The following FAM185A variants were observed in gnomAD, a reference collection of about 807,000 sequenced individuals.
FAM185A encodes family with sequence similarity 185 member A.
In FAM185A, 21 loss-of-function variants were observed where a neutral mutation model predicts 45.7. That is an observed-to-expected ratio of 0.46 (90% CI 0.33 to 0.66). The LOEUF is 0.66. Ranked by LOEUF, FAM185A falls within the 30% of genes least tolerant of loss-of-function variation. The pLI is 0.03. For synonymous variants in FAM185A, 117 were observed against 194.0 expected, an observed-to-expected ratio of 0.60 and a Z score of 3.30; for missense variants, 305 against 485.4, an observed-to-expected ratio of 0.63 and a Z score of 3.49.
At chr7:102,791,356 T>A (rs1396171839) in intron 7 of FAM185A, among the ~76,000 whole-genome samples, 2 of 152,230 alleles carry the variant, frequency 1.3e-5, no homozygotes, top group Non-Finnish European at 2.9e-5. Context: ...TACAGGGGCC[T>A]GGACTCCATA....
rs528529308 is a variant in FAM185A, at chr7:102,759,887, G to A, written c.655-1386G>A. Among the ~76,000 whole-genome samples the A allele has an allele frequency of 2.2e-4, 34 of 152,158 alleles. No homozygotes were observed. In the South Asian group the frequency reaches 6.8e-3, roughly 31 times the overall value. ...GAATCACAGGAAAGATAACTTGGACGGGTTCTAGACCTACCAGTTAGCTTC... is the reference window on the plus strand; with the variant it reads ...GAATCACAGGAAAGATAACTTGGACAGGTTCTAGACCTACCAGTTAGCTTC... On this transcript the variant is annotated intron_variant, in intron 3 of 7. Coordinates refer to ENST00000413034, the MANE Select transcript of FAM185A (RefSeq NM_001145268.2).
chr7:102,754,279 C>A (rs1793552294), intron 2 of FAM185A, among the ~76,000 whole-genome samples: 1 of 152,078 alleles, frequency 6.6e-6, no homozygotes, highest in African/African-American at 2.4e-5. Context: ...TGGCTCACTG[C>A]AACCTCCGCC....
At chr7:102,845,857 G>A in the FAM185A span, among the ~76,000 whole-genome samples, 1 of 152,214 alleles carries the variant, frequency 6.6e-6, no homozygotes, top group Non-Finnish European at 1.5e-5. Context: ...TCCCATGCTG[G>A]ATTAGGTACC....
intron 7 of FAM185A, among the ~76,000 whole-genome samples, chr7:102,791,752 CT>C (rs1252316164): frequency 2.0e-5 from 3 of 151,692 alleles, no homozygotes; most frequent in Non-Finnish European, 1.5e-5. Context: ...GAGCAGCAGT[CT>C]CTGGAGGGAG....
chr7:102,749,041 G>A lies in FAM185A; in HGVS notation c.-167G>A, dbSNP rs1251104092. ...ACTTGCCCCTGGGGATTGCGCGGCT[G>A]ATGTTTAGAACGCCTAGTCAAGCCA... On this transcript the variant is annotated 5_prime_UTR_variant, in exon 1 of 8. Coordinates refer to ENST00000413034, the MANE Select transcript of FAM185A (RefSeq NM_001145268.2). The A allele has an allele frequency of 2.7e-5, 29 of 1,070,668 alleles. No homozygotes were observed. The Admixed American group carries it at 5.4e-4, about 20-fold the overall frequency. The allele number at this position is 1,070,668 out of a possible 1,614,324, so 66.3% of individuals were successfully genotyped here. A position where few individuals can be genotyped will look rare whatever the true frequency, so the allele number is the denominator to read the frequency against.
chr7:102,795,126 T>A (rs761952569), intron 7 of FAM185A, among the ~76,000 whole-genome samples: 74 of 152,208 alleles, frequency 4.9e-4, no homozygotes, highest in Non-Finnish European at 9.3e-4. Context: ...TAAAATGTCA[T>A]GAGTATATAC....
intron 7 of FAM185A, among the ~76,000 whole-genome samples, chr7:102,799,002 C>G (rs1796614250): frequency 6.6e-6 from 1 of 152,216 alleles, no homozygotes; most frequent in Non-Finnish European, 1.5e-5. Context: ...CCCGCCCTGA[C>G]CTCCCAAAGT....
chr7:102,759,742 A>C (rs28531801), intron 3 of FAM185A, among the ~76,000 whole-genome samples: 12,575 of 151,582 alleles, frequency 0.083, 746 homozygotes, highest in East Asian at 0.2. Context: ...AGAACAAACT[A>C]AAAAAATCCT....
Position 102,787,465 on chromosome 7 carries a change from G to A in FAM185A, c.1062G>A (p.Val354=), listed in dbSNP as rs1480821816. ...TTCGTAAAGATGATGTTGTAACAGT[G>A]ACTGGTAAGGAGGCTGCATTTTGCT... is the stretch of plus-strand genomic sequence containing the variant. ...AEVRKDDVVT[V]TGLMNQASKR... The change falls in exon 7 of 8, where the codon GTG becomes GTA. Residue 354 remains valine, a synonymous_variant. Coordinates refer to ENST00000413034, the MANE Select transcript of FAM185A (RefSeq NM_001145268.2). 22 of 1,499,236 alleles carry A rather than the reference G, an allele frequency of 1.5e-5. No homozygotes were observed. The highest frequency in any genetic ancestry group is 1.9e-5 in the Non-Finnish European group (21 of 1,112,052). 92.9% of individuals were successfully genotyped at this position (1,499,236 alleles called of 1,614,324 possible).
the FAM185A span, among the ~76,000 whole-genome samples, chr7:102,817,532 A>G: frequency 6.6e-6 from 1 of 152,070 alleles, no homozygotes; most frequent in African/African-American, 2.4e-5. Context: ...ATTTGATAAT[A>G]TTTTTCTCCC....
At chr7:102,756,080 A>C (rs181338315) in intron 2 of FAM185A, 13 of 257,392 alleles carry the variant, frequency 5.1e-5, no homozygotes, top group Middle Eastern at 1.3e-3. Flanking sequence ...CTTCAGACTC[A>C]TGTCTCTGGG....
At chr7:102,845,252 T>G in the FAM185A span, among the ~76,000 whole-genome samples, 7 of 152,186 alleles carry the variant, frequency 4.6e-5, no homozygotes, top group African/African-American at 1.7e-4. Context: ...AAGAGTCACC[T>G]CATTAGAACA....
At chr7:102,788,813 G>A (rs1324476348) in intron 7 of FAM185A, among the ~76,000 whole-genome samples, 4 of 152,192 alleles carry the variant, frequency 2.6e-5, no homozygotes, top group South Asian at 4.1e-4. Flanking sequence ...GCTACACCCT[G>A]TACAGCAGGC....
the FAM185A span, among the ~76,000 whole-genome samples, chr7:102,827,659 A>G: frequency 6.6e-6 from 1 of 151,994 alleles, no homozygotes; most frequent in Non-Finnish European, 1.5e-5. Context: ...TATATCTCGT[A>G]ATGCTATTCC....
chr7:102,839,928 T>A, the FAM185A span, among the ~76,000 whole-genome samples: 3 of 152,286 alleles, frequency 2.0e-5, no homozygotes, highest in East Asian at 5.8e-4. Context: ...ACCAAAAAAA[T>A]TGTGTTGTTC....
At chr7:102,814,680 A>C in the FAM185A span, among the ~76,000 whole-genome samples, 1 of 152,224 alleles carries the variant, frequency 6.6e-6, no homozygotes, top group Admixed American at 6.5e-5. Flanking sequence ...ATCATATACT[A>C]ATTCCTAGTT....
At chr7:102,824,447 T>C in the FAM185A span, among the ~76,000 whole-genome samples, 1 of 152,214 alleles carries the variant, frequency 6.6e-6, no homozygotes, top group Non-Finnish European at 1.5e-5. Flanking sequence ...CCTATCCCCA[T>C]TAACAGATTT....
the FAM185A span, among the ~76,000 whole-genome samples, chr7:102,830,015 A>G: frequency 6.6e-6 from 1 of 151,808 alleles, no homozygotes; most frequent in Admixed American, 6.6e-5. Flanking sequence ...AAATCTTTCT[A>G]CTCCTTTGTA....
intron 6 of FAM185A, among the ~76,000 whole-genome samples, chr7:102,786,685 A>G (rs1209984899): frequency 6.6e-6 from 1 of 152,140 alleles, no homozygotes; most frequent in African/African-American, 2.4e-5. Context: ...TTGTGGGGTC[A>G]GGGCAGTGGG....
Sources: allele counts gnomAD v4.1 joint callset (sites outside exome capture counted in the v4.1 genomes callset), GRCh38; gene constraint gnomAD v4.1.1; transcripts MANE v1.5; gene names NCBI Gene and HGNC (gene_info 2026-07-23, HGNC 2026-07-21).